The following ANKRD52 variants were observed in gnomAD, a reference collection of about 807,000 sequenced individuals.
ANKRD52 encodes ankyrin repeat domain 52, also known as serine/threonine-protein phosphatase 6 regulatory ankyrin repeat subunit C.
ANKRD52 carries 7 observed loss-of-function variants against 116.0 expected under a neutral mutation model. The ratio of observed to expected loss-of-function variants is 0.06; its 90% confidence interval spans 0.03 to 0.11. The LOEUF is 0.11. Among genes scored for constraint, ANKRD52 ranks in the 10% least tolerant of loss-of-function variants. ANKRD52 has a pLI of 1.00. For synonymous variants in ANKRD52, 528 were observed against 578.1 expected, an observed-to-expected ratio of 0.91 and a Z score of 1.24; for missense variants, 839 against 1,408.6, an observed-to-expected ratio of 0.60 and a Z score of 6.47.
Position 56,245,193 on chromosome 12 carries a change from G to A in ANKRD52, c.2405-3C>T. On this transcript the variant is annotated splice_polypyrimidine_tract_variant and splice_region_variant and intron_variant, in intron 21 of 27. Transcript: ENST00000267116. ...CAACTCCAGACAATCTTCATGTCCT[G>A]GGCACGAGGAAGGAAGAGTAGTGAT... 6.2e-7 allele frequency: 1 copy of A among 1,613,942 alleles called. No individual in the cohort carries two copies. Among genetic ancestry groups the A allele is most frequent in the East Asian group, 2.2e-5 (1 of 44,876 alleles).
chr12:56,254,566 C>T lies in ANKRD52; in HGVS notation c.693+12G>A, dbSNP rs960008062. On this transcript the variant is annotated intron_variant, in intron 7 of 27. Transcript: ENST00000267116. The surrounding 1 kb of genome is among the most constrained non-coding windows in gnomAD (Gnocchi z 4.6). ...GCCCATAGTTCCCAACCCCAGAGCT[C>T]AAAGCCCTGACCTCCGCTCCCATCC... The T allele has an allele frequency of 3.3e-5, 53 of 1,612,572 alleles. No homozygotes were observed. Among genetic ancestry groups the T allele is most frequent in the Non-Finnish European group, 4.5e-5 (53 of 1,179,414 alleles).
At chr12:56,246,966 A>G (rs1171006244) in intron 20 of ANKRD52, among the ~76,000 whole-genome samples, 1 of 144,454 alleles carries the variant, frequency 6.9e-6, no homozygotes, top group African/African-American at 2.6e-5. Flanking sequence ...AATAATAATA[A>G]TAATAATAAA....
chr12:56,244,040 C>T lies in ANKRD52; in HGVS notation c.2888+11G>A, dbSNP rs373453548. On this transcript the variant is annotated intron_variant, in intron 26 of 27. Transcript: ENST00000267116. The surrounding 1 kb of genome is among the most constrained non-coding windows in gnomAD (Gnocchi z 4.9). ...TCCCCCAGCCAGGAGCCCCCTTCCCCAGGCACTCACATCTGCAGCGCACTG... is the reference window on the plus strand; with the variant it reads ...TCCCCCAGCCAGGAGCCCCCTTCCCTAGGCACTCACATCTGCAGCGCACTG... 1.2e-4 allele frequency: 201 copies of T among 1,613,612 alleles called. No individual in the cohort carries two copies. The highest frequency in any genetic ancestry group is 1.6e-4 in the African/African-American group (12 of 74,928).
chr12:56,253,504 G>T lies in ANKRD52; in HGVS notation c.986-102C>A. ...AGTGCCTACTATGTATGCATCAGGT[G>T]CCAGGCCCAGGATTCTACATATTTT... On this transcript the variant is annotated intron_variant, in intron 9 of 27. Coordinates refer to ENST00000267116, the MANE Select transcript of ANKRD52 (RefSeq NM_173595.4). The surrounding 1 kb of genome is among the most constrained non-coding windows in gnomAD (Gnocchi z 5.5). 1.0e-6 allele frequency: 1 copy of T among 1,002,582 alleles called. No individual in the cohort carries two copies. The highest frequency in any genetic ancestry group is 1.5e-6 in the Non-Finnish European group (1 of 649,498). 62.1% of individuals were successfully genotyped at this position (1,002,582 alleles called of 1,614,324 possible).
chr12:56,247,429 G>A lies in ANKRD52; in HGVS notation c.2184+64C>T, dbSNP rs1871464359. ...CTAGACAATTGGATTCCCTACTGCTGGTGAGTCCCATGCTCCCACACTGAG... is the reference window on the plus strand; with the variant it reads ...CTAGACAATTGGATTCCCTACTGCTAGTGAGTCCCATGCTCCCACACTGAG... On this transcript the variant is annotated intron_variant, in intron 20 of 27. Transcript: ENST00000267116. 208 of 1,335,572 alleles carry A rather than the reference G, an allele frequency of 1.6e-4. 2 individuals are homozygous for A. In the South Asian group the frequency reaches 2.6e-3, roughly 17 times the overall value. The allele number at this position is 1,335,572 out of a possible 1,614,324, so 82.7% of individuals were successfully genotyped here.
Position 56,241,985 on chromosome 12 carries a change from G to A in ANKRD52, c.*1157C>T. 2.5e-6 allele frequency: 1 copy of A among 398,582 alleles called. No homozygotes were observed. Among genetic ancestry groups the A allele is most frequent in the Non-Finnish European group, 4.4e-6 (1 of 226,062 alleles). The allele number at this position is 398,582 out of a possible 1,614,324, so 24.7% of individuals were successfully genotyped here. On this transcript the variant is annotated 3_prime_UTR_variant, in exon 28 of 28. Transcript: ENST00000267116. ...CAGAGCTTCTTCCTCACACTGGAGG[G>A]GAAGCCTGGGTCCCGAGTAGCCACG...
rs1172118662 is a variant in ANKRD52, at chr12:56,253,897, A to G, written c.907-97T>C. 7.0e-7 allele frequency: 1 copy of G among 1,430,844 alleles called. No homozygotes were observed. The allele number at this position is 1,430,844 out of a possible 1,614,324, so 88.6% of individuals were successfully genotyped here. On this transcript the variant is annotated intron_variant, in intron 8 of 27. Transcript: ENST00000267116. The surrounding 1 kb of genome is among the most constrained non-coding windows in gnomAD (Gnocchi z 5.5). ...CTTCCAAGGACATATCTCTAAGGAC[A>G]AAAGGGTCATATGGCACCTTCTTAG... is the stretch of plus-strand genomic sequence containing the variant.
In ANKRD52 at chr12:56,237,929, A is replaced by T; in HGVS notation, c.*5213T>A. 2.0e-6 allele frequency: 1 copy of T among 502,830 alleles called. No individual in the cohort carries two copies. The highest frequency in any genetic ancestry group is 3.3e-6 in the Non-Finnish European group (1 of 307,540). The allele number at this position is 502,830 out of a possible 1,614,324, so 31.1% of individuals were successfully genotyped here. A position where few individuals can be genotyped will look rare whatever the true frequency, so the allele number is the denominator to read the frequency against. Reference sequence around the variant, plus strand: ...GGGAGGACCCGAAGCCGGTTGGGGGAGGATGTGAGTAGGGGCCTGGAGGGT... The same window carrying T: ...GGGAGGACCCGAAGCCGGTTGGGGGTGGATGTGAGTAGGGGCCTGGAGGGT... On this transcript the variant is annotated 3_prime_UTR_variant, in exon 28 of 28. Transcript: ENST00000267116.
At position 56,244,171 on chromosome 12, in the gene ANKRD52, A is replaced by C. The variant is rs768655643; in HGVS notation, c.2806-38T>G. 3 of 1,608,358 alleles carry C rather than the reference A, an allele frequency of 1.9e-6. No individual in the cohort carries two copies. The highest frequency in any genetic ancestry group is 1.6e-4 in the Middle Eastern group (1 of 6,074). ...AACAGAGAGTGGAGACTTGTGAAGT[A>C]GAAATGTGGCAGGGTGCAGGGCAGG... On this transcript the variant is annotated intron_variant, in intron 25 of 27. Transcript: ENST00000267116. This position sits in a 1 kb window ranked among gnomAD's most constrained non-coding sequence, Gnocchi z 4.9.
rs1293583016 is a variant in ANKRD52 at position 56,253,393 on chromosome 12, A to G, written c.995T>C (p.Ile332Thr). The G allele has an allele frequency of 6.2e-7, 1 of 1,613,476 alleles. No individual in the cohort carries two copies. The highest frequency in any genetic ancestry group is 8.5e-7 in the Non-Finnish European group (1 of 1,179,658). The change falls in exon 10 of 28, where the codon ATT (isoleucine) becomes ACT (threonine). Residue 332 changes from isoleucine (I) to threonine (T), a missense_variant. Coordinates refer to ENST00000267116, the MANE Select transcript of ANKRD52 (RefSeq NM_173595.4). The surrounding 1 kb of genome is among the most constrained non-coding windows in gnomAD (Gnocchi z 5.5). ...GTTCCCAAATTTGTCGGCACAATCA[A>G]TCTCGCTGCCTGTGAGGGGATGCAC... is the stretch of plus-strand genomic sequence containing the variant. ...SQILIQNGSE[I>T]DCADKFGNTP...
Position 56,253,686 on chromosome 12 carries a change from G to A in ANKRD52, c.985+36C>T, listed in dbSNP as rs763699881. The A allele has an allele frequency of 4.4e-6, 7 of 1,596,062 alleles. No individual in the cohort carries two copies. The South Asian group carries it at 5.5e-5, about 13-fold the overall frequency. On this transcript the variant is annotated intron_variant, in intron 9 of 27. Coordinates refer to ENST00000267116, the MANE Select transcript of ANKRD52 (RefSeq NM_173595.4). This position sits in a 1 kb window ranked among gnomAD's most constrained non-coding sequence, Gnocchi z 5.5. ...TCTAGAAATGAGTTCCTTGGGGGAG[G>A]AGGGGATGAGAGCACAAAGTCTCCC...
chr12:56,245,354 C>T, intron 21 of ANKRD52, 23 bp downstream of exon 21: 1 of 1,606,222 alleles, frequency 6.2e-7, no homozygotes, highest in East Asian at 2.2e-5. Flanking sequence ...GCTCCTGTGC[C>T]TGTGGAGGCC....
Position 56,237,978 on chromosome 12 carries a change from G to C in ANKRD52, c.*5164C>G. 4.2e-5 allele frequency: 10 copies of C among 240,442 alleles called. No homozygotes were observed. The highest frequency in any genetic ancestry group is 9.6e-5 in the South Asian group (1 of 10,422). The allele number at this position is 240,442 out of a possible 1,614,324, so 14.9% of individuals were successfully genotyped here. On this transcript the variant is annotated 3_prime_UTR_variant, in exon 28 of 28. Transcript: ENST00000267116. Reference sequence around the variant, plus strand: ...GTGCAGGGTCATTAATCTGCGGGGAGAACATTGTGCTTTAGCCCAGGGAGG... The same window carrying C: ...GTGCAGGGTCATTAATCTGCGGGGACAACATTGTGCTTTAGCCCAGGGAGG...
In ANKRD52 at chr12:56,243,396, C is replaced by T. The variant is rs1197175958; in HGVS notation, c.2981-4G>A. 6.2e-7 allele frequency: 1 copy of T among 1,613,316 alleles called. No individual in the cohort carries two copies. The highest frequency in any genetic ancestry group is 8.5e-7 in the Non-Finnish European group (1 of 1,179,578). On this transcript the variant is annotated splice_region_variant and splice_polypyrimidine_tract_variant and intron_variant, in intron 27 of 27. Coordinates refer to ENST00000267116, the MANE Select transcript of ANKRD52 (RefSeq NM_173595.4). This position sits in a 1 kb window ranked among gnomAD's most constrained non-coding sequence, Gnocchi z 4.6. ...CAGGCCAGTGCTGGGGTGTGACCTG[C>T]AGGGCCAAGGGGGAGAACTGAGGCA...
intron 4 of ANKRD52, among the ~76,000 whole-genome samples, chr12:56,256,482 C>T (rs1871959353): frequency 6.6e-6 from 1 of 152,228 alleles, no homozygotes; most frequent in African/African-American, 2.4e-5. Context: ...CACCACCCAC[C>T]TCATTCCCAC....
chr12:56,252,939 C>T lies in ANKRD52; in HGVS notation c.1184-42G>A. 6.2e-7 allele frequency: 1 copy of T among 1,604,048 alleles called. No homozygotes were observed. ...GCCACAGGTCACATCTGAGAGTGTT[C>T]AGCAGGGAGGGAAAGGCCTTTGCTC... On this transcript the variant is annotated intron_variant, in intron 11 of 27. Transcript: ENST00000267116. The surrounding 1 kb of genome is among the most constrained non-coding windows in gnomAD (Gnocchi z 4.7).
Position 56,258,377 on chromosome 12 carries a change from A to T in ANKRD52, c.-108T>A. On this transcript the variant is annotated 5_prime_UTR_variant, in exon 1 of 28. Transcript: ENST00000267116. ...CGGCTGCGGTGGCGGCTGCAGGGAGAGCGCGGCCCCGCCTACCGGGGGGCG... is the reference window on the plus strand; with the variant it reads ...CGGCTGCGGTGGCGGCTGCAGGGAGTGCGCGGCCCCGCCTACCGGGGGGCG... 3 of 1,211,168 alleles carry T rather than the reference A, an allele frequency of 2.5e-6. No homozygotes were observed. Among genetic ancestry groups the T allele is most frequent in the Non-Finnish European group, 3.1e-6 (3 of 961,236 alleles). 75.0% of individuals were successfully genotyped at this position (1,211,168 alleles called of 1,614,324 possible). A position where few individuals can be genotyped will look rare whatever the true frequency, so the allele number is the denominator to read the frequency against.
In ANKRD52 at chr12:56,243,982, G is replaced by C; in HGVS notation, c.2888+69C>G. ...ATACAATGGGCTCCAGAGAGCCTCT[G>C]AACAGCGGCCACTCTTTCATCACCC... On this transcript the variant is annotated intron_variant, in intron 26 of 27. Coordinates refer to ENST00000267116, the MANE Select transcript of ANKRD52 (RefSeq NM_173595.4). The surrounding 1 kb of genome is among the most constrained non-coding windows in gnomAD (Gnocchi z 4.6). The C allele has an allele frequency of 6.2e-7, 1 of 1,604,956 alleles. No individual in the cohort carries two copies. The highest frequency in any genetic ancestry group is 1.7e-5 in the Admixed American group (1 of 59,928).
In ANKRD52 at chr12:56,252,990, C is replaced by G. The variant is rs542177606; in HGVS notation, c.1183+14G>C. 6.3e-7 allele frequency: 1 copy of G among 1,584,830 alleles called. No individual in the cohort carries two copies. The highest frequency in any genetic ancestry group is 1.3e-5 in the African/African-American group (1 of 74,316). On this transcript the variant is annotated intron_variant, in intron 11 of 27. Coordinates refer to ENST00000267116, the MANE Select transcript of ANKRD52 (RefSeq NM_173595.4). This position sits in a 1 kb window ranked among gnomAD's most constrained non-coding sequence, Gnocchi z 4.7. ...TCCTATACACCTGCCAATCCCCAGC[C>G]CATCAGCACATACCTGAGGAAAGAA...
Sources: gnomAD v4.1 joint callset for allele counts (sites outside exome capture counted in the v4.1 genomes callset) on GRCh38, gnomAD v4.1.1 for gene constraint, Gnocchi (gnomAD v3.1) non-coding constraint, MANE v1.5 for transcripts, NCBI Gene and HGNC (gene_info 2026-07-23, HGNC 2026-07-21) for gene names.